The following CELF2 variants were observed in gnomAD, a reference collection of about 807,000 sequenced individuals.
The protein encoded by CELF2 is CUG triplet repeat RNA-binding protein 2.
A neutral mutation model predicts 62.6 loss-of-function variants in CELF2; 8 were observed. The observed-to-expected ratio is 0.13, with a 90% CI of 0.07 to 0.23. The LOEUF (loss-of-function observed/expected upper bound fraction) is 0.23. Among genes scored for constraint, CELF2 ranks in the 10% least tolerant of loss-of-function variants. The pLI is 1.00. For synonymous variants in CELF2, 258 were observed against 250.0 expected (o/e 1.03, Z -0.30); for missense variants, 333 against 671.0 (o/e 0.50, Z 5.56).
the CELF2 span, among the ~76,000 whole-genome samples, chr10:10,626,516 A>C: frequency 1.3e-5 from 2 of 150,274 alleles, no homozygotes; most frequent in African/African-American, 2.4e-5. Context: ...ATAGGGAAAG[A>C]AAAAAAAAAG....
At chr10:10,750,262 C>T in the CELF2 span, among the ~76,000 whole-genome samples, 17 of 148,084 alleles carry the variant, frequency 1.1e-4, no homozygotes, top group African/African-American at 3.2e-4. Context: ...AGCCTGGCGA[C>T]GGAGTGAAAC....
the CELF2 span, among the ~76,000 whole-genome samples, chr10:10,557,413 A>C: frequency 1.3e-5 from 2 of 148,880 alleles, no homozygotes; most frequent in African/African-American, 5.1e-5. Flanking sequence ...TGGTACCAGT[A>C]CCATGCTGTT....
intron 4 of CELF2, among the ~76,000 whole-genome samples, chr10:11,254,362 C>T (rs533573179): frequency 1.1e-3 from 165 of 152,346 alleles, no homozygotes; most frequent in African/African-American, 3.8e-3. Context: ...TGCGCTCACA[C>T]GCCACACACA....
chr10:10,789,245 T>C, the CELF2 span, among the ~76,000 whole-genome samples: 3 of 152,158 alleles, frequency 2.0e-5, no homozygotes, highest in African/African-American at 7.2e-5. Context: ...AATACTGATA[T>C]CACATTCTAT....
chr10:10,850,595 A>C (rs543452264), intron 1 of CELF2, among the ~76,000 whole-genome samples: 3 of 152,226 alleles, frequency 2.0e-5, no homozygotes, highest in African/African-American at 7.2e-5. Context: ...GGATGTTTGA[A>C]TATGTTGGAG....
At position 11,157,429 on chromosome 10, in the gene CELF2, C is replaced by T. The variant is rs567638982; in HGVS notation, c.75-8057C>T. Among the ~76,000 whole-genome samples the T allele has an allele frequency of 6.6e-6, 1 of 152,236 alleles. No homozygotes were observed. The highest frequency in any genetic ancestry group is 2.1e-4 in the South Asian group (1 of 4,818). Reference sequence around the variant, plus strand: ...ACACAAAAATTTCACTTAAACATTGCTCACAGGGATGCAGCATAGTTCAGA... The same window carrying T: ...ACACAAAAATTTCACTTAAACATTGTTCACAGGGATGCAGCATAGTTCAGA... On this transcript the variant is annotated intron_variant, in intron 1 of 12. Coordinates refer to ENST00000633077, the MANE Select transcript of CELF2 (RefSeq NM_001326342.2). This position sits in a 1 kb window ranked among gnomAD's most constrained non-coding sequence, Gnocchi z 4.9.
At chr10:10,521,122 A>G in the CELF2 span, among the ~76,000 whole-genome samples, 1 of 152,240 alleles carries the variant, frequency 6.6e-6, no homozygotes, top group African/African-American at 2.4e-5. Flanking sequence ...GCTCGAAACA[A>G]GAGTGTTGAC....
intron 10 of CELF2, among the ~76,000 whole-genome samples, chr10:11,320,414 GGCATGTGT>G (rs1339375869): frequency 6.6e-6 from 1 of 152,158 alleles, no homozygotes; most frequent in Non-Finnish European, 1.5e-5. Flanking sequence ...TTGCCACTTG[GGCATGTGT>G]GCATGCGTGC....
intron 8 of CELF2, among the ~76,000 whole-genome samples, chr10:11,278,108 A>C (rs1300159837): frequency 1.3e-5 from 2 of 152,240 alleles, no homozygotes; most frequent in African/African-American, 2.4e-5. Flanking sequence ...AGAAAATAAA[A>C]CCAAAAAAAA....
chr10:10,970,412 T>A (rs1220008522), intron 2 of CELF2, among the ~76,000 whole-genome samples: 1 of 152,132 alleles, frequency 6.6e-6, no homozygotes, highest in Admixed American at 6.6e-5. Flanking sequence ...TAAAGTGGAA[T>A]GTTAAAGAGG....
the CELF2 span, among the ~76,000 whole-genome samples, chr10:10,745,133 C>CA: frequency 1.1e-4 from 9 of 78,628 alleles, no homozygotes; most frequent in Middle Eastern, 6.7e-3. Flanking sequence ...AAAAACAAAA[C>CA]AAAAAAAAAC....
chr10:10,563,033 G>A, the CELF2 span, among the ~76,000 whole-genome samples: 1 of 152,042 alleles, frequency 6.6e-6, no homozygotes, highest in Non-Finnish European at 1.5e-5. Flanking sequence ...TAAAACCTCT[G>A]GAGAATGACA....
chr10:11,006,891 G>T (rs2055373644), intron 1 of CELF2, among the ~76,000 whole-genome samples: 1 of 152,168 alleles, frequency 6.6e-6, no homozygotes, highest in Admixed American at 6.5e-5. Flanking sequence ...ATAAGCGTTG[G>T]TTTCTAAGGT....
At position 11,321,176 on chromosome 10, in the gene CELF2, G is replaced by A. The variant is rs780140195; in HGVS notation, c.1097-13G>A. On this transcript the variant is annotated splice_polypyrimidine_tract_variant and intron_variant, in intron 10 of 12. Coordinates refer to ENST00000633077, the MANE Select transcript of CELF2 (RefSeq NM_001326342.2). The surrounding 1 kb of genome is among the most constrained non-coding windows in gnomAD (Gnocchi z 6.2). The stretch of plus-strand genomic sequence containing the variant: ...TGCTGTTTCTCTTCTCTATTGTTGG[G>A]TTTTTTGTAAAGTTGCTCAAATGCT... The A allele has an allele frequency of 5.0e-6, 8 of 1,613,682 alleles. No individual in the cohort carries two copies. The highest frequency in any genetic ancestry group is 3.3e-4 in the Middle Eastern group (2 of 6,084).
At position 11,211,068 on chromosome 10, in the gene CELF2, G is replaced by A. The variant is rs1410049113; in HGVS notation, c.272-6357G>A. Among the ~76,000 whole-genome samples, 1 of 152,222 alleles carries A rather than the reference G, an allele frequency of 6.6e-6. No individual in the cohort carries two copies. The highest frequency in any genetic ancestry group is 1.5e-5 in the Non-Finnish European group (1 of 68,038). On this transcript the variant is annotated intron_variant, in intron 2 of 12. Transcript: ENST00000633077. The surrounding 1 kb of genome is among the most constrained non-coding windows in gnomAD (Gnocchi z 4.8). ...CCAAGGCAGGAGGACCACTTGAGACGAGGAGTTTGAGAAGCCTGAGCTATG... is the reference window on the plus strand; with the variant it reads ...CCAAGGCAGGAGGACCACTTGAGACAAGGAGTTTGAGAAGCCTGAGCTATG...
chr10:10,574,977 G>A, the CELF2 span, among the ~76,000 whole-genome samples: 1 of 150,102 alleles, frequency 6.7e-6, no homozygotes, highest in African/African-American at 2.4e-5. Context: ...CTTGGCCTCC[G>A]AAAGTGCTGG....
At chr10:11,105,846 C>T (rs2053284163) in intron 1 of CELF2, among the ~76,000 whole-genome samples, 1 of 152,190 alleles carries the variant, frequency 6.6e-6, no homozygotes, top group African/African-American at 2.4e-5. Context: ...CTCCACTACT[C>T]CCTGGAATAC....
At chr10:11,239,469 T>C (rs964090684) in intron 3 of CELF2, among the ~76,000 whole-genome samples, 1 of 152,210 alleles carries the variant, frequency 6.6e-6, no homozygotes, top group African/African-American at 2.4e-5. Flanking sequence ...GATGGGACCT[T>C]GTCTCCTTCC....
At chr10:10,849,634 C>T (rs1054439677) in intron 1 of CELF2, among the ~76,000 whole-genome samples, 3 of 151,958 alleles carry the variant, frequency 2.0e-5, no homozygotes, top group Admixed American at 6.6e-5. Context: ...CCTTACATAA[C>T]GACAGTACAA....
Sources: allele counts gnomAD v4.1 joint callset (sites outside exome capture counted in the v4.1 genomes callset), GRCh38; gene constraint gnomAD v4.1.1; non-coding constraint Gnocchi (gnomAD v3.1); transcripts MANE v1.5; gene names NCBI Gene and HGNC (gene_info 2026-07-23, HGNC 2026-07-21).